The following DHRSX variants were observed in gnomAD, a reference collection of about 807,000 sequenced individuals.
DHRSX encodes the protein dehydrogenase/reductase X-linked, also known as polyprenol dehydrogenase.
A neutral mutation model predicts 34.0 loss-of-function variants in DHRSX; 31 were observed. The ratio of observed to expected loss-of-function variants is 0.91; its 90% CI spans 0.69 to 1.23. The LOEUF (loss-of-function observed/expected upper bound fraction) is 1.23, where lower values mean the gene tolerates loss of function less well. Among genes scored for constraint, DHRSX ranks in the 50% most tolerant of loss-of-function variants. The pLI, the probability that DHRSX is intolerant of heterozygous loss-of-function variation, is 0.00. For synonymous variants in DHRSX, 201 were observed against 183.8 expected (o/e 1.09, Z -0.76); for missense variants, 414 against 428.1 (o/e 0.97, Z 0.29).
chrX:2,248,877 T>C (rs765996178), intron 5 of DHRSX, among the ~76,000 whole-genome samples: 1 of 152,318 alleles, frequency 6.6e-6, no homozygotes, highest in South Asian at 2.1e-4. Context: ...CAGACGTCGT[T>C]GAACCTAAGC....
At chrX:2,360,544 C>T (rs754047836) in intron 3 of DHRSX, among the ~76,000 whole-genome samples, 4 of 152,208 alleles carry the variant, frequency 2.6e-5, no homozygotes, top group African/African-American at 4.8e-5. Flanking sequence ...GATCGCGCCA[C>T]TGCACTCCAG....
chrX:2,268,211 T>C (rs2041500952), intron 4 of DHRSX, among the ~76,000 whole-genome samples: 1 of 152,174 alleles, frequency 6.6e-6, no homozygotes, highest in Non-Finnish European at 1.5e-5. Context: ...TGCCCTGAAG[T>C]CCTTGCTGTG....
At chrX:2,469,527 C>A (rs996637206) in intron 1 of DHRSX, among the ~76,000 whole-genome samples, 3 of 151,588 alleles carry the variant, frequency 2.0e-5, no homozygotes, top group African/African-American at 7.3e-5. Flanking sequence ...CATGTACACA[C>A]TGAAGACATT....
At chrX:2,362,386 C>T (rs777580436) in intron 3 of DHRSX, among the ~76,000 whole-genome samples, 2 of 152,240 alleles carry the variant, frequency 1.3e-5, no homozygotes, top group South Asian at 2.1e-4. Flanking sequence ...CTGCAACCTC[C>T]GCCTCCCGGG....
At chrX:2,299,641 G>A (rs966223280) in intron 3 of DHRSX, among the ~76,000 whole-genome samples, 5 of 152,068 alleles carry the variant, frequency 3.3e-5, no homozygotes, top group African/African-American at 1.2e-4. Context: ...GATCACCTGA[G>A]GTCAGGAGTT....
At chrX:2,441,138 T>C (rs2044057516) in intron 1 of DHRSX, among the ~76,000 whole-genome samples, 1 of 152,152 alleles carries the variant, frequency 6.6e-6, no homozygotes, top group South Asian at 2.1e-4. Context: ...GGTGCAATGA[T>C]CACACCTCGG....
intron 5 of DHRSX, among the ~76,000 whole-genome samples, chrX:2,250,392 G>C (rs2016409570): frequency 6.6e-6 from 1 of 152,032 alleles, no homozygotes; most frequent in South Asian, 2.1e-4. Context: ...TAAAGAATGT[G>C]TACTCCATAG....
At chrX:2,381,797 C>CAAAAAAAAAAAA (rs767319246) in intron 3 of DHRSX, among the ~76,000 whole-genome samples, 2 of 81,612 alleles carry the variant, frequency 2.5e-5, no homozygotes, top group African/African-American at 5.0e-5. Context: ...AAGCCACAAC[C>CAAAAAAAAAAAA]AAAAAAAAAA....
intron 2 of DHRSX, among the ~76,000 whole-genome samples, chrX:2,409,723 TG>T (rs1426239602): frequency 2.6e-5 from 4 of 151,498 alleles, no homozygotes; most frequent in East Asian, 3.9e-4. Context: ...TTTTTTGTTT[TG>T]TTTTTTTGTT....
chrX:2,251,138 C>G (rs2016426080), intron 5 of DHRSX, among the ~76,000 whole-genome samples: 1 of 152,158 alleles, frequency 6.6e-6, no homozygotes, highest in Non-Finnish European at 1.5e-5. Flanking sequence ...CAGAAAGCCA[C>G]ATGCCAAAAT....
intron 5 of DHRSX, among the ~76,000 whole-genome samples, chrX:2,265,817 C>T (rs1156777161): frequency 3.6e-5 from 5 of 140,184 alleles, no homozygotes; most frequent in African/African-American, 1.4e-4. Context: ...ACGCAGGGAG[C>T]ACTGTCCTCA....
At chrX:2,479,169 G>A (rs1337995956) in intron 1 of DHRSX, among the ~76,000 whole-genome samples, 1 of 151,606 alleles carries the variant, frequency 6.6e-6, no homozygotes, top group Admixed American at 6.6e-5. Flanking sequence ...TGTACACACT[G>A]AAGACGTTCC....
intron 4 of DHRSX, among the ~76,000 whole-genome samples, chrX:2,276,797 TA>T (rs1284475223): frequency 2.7e-4 from 28 of 104,202 alleles, no homozygotes; most frequent in African/African-American, 3.4e-4. Context: ...AGGGAGGAAA[TA>T]GGGAGAAAGA....
At chrX:2,276,875 A>T (rs1182779961) in intron 4 of DHRSX, among the ~76,000 whole-genome samples, 5 of 30,474 alleles carry the variant, frequency 1.6e-4, no homozygotes, top group African/African-American at 6.4e-4. Flanking sequence ...AGAGAGAAGG[A>T]GGGGAGGAAA....
chrX:2,474,190 T>C (rs2044637222), intron 1 of DHRSX, among the ~76,000 whole-genome samples: 1 of 152,058 alleles, frequency 6.6e-6, no homozygotes, highest in South Asian at 2.1e-4. Flanking sequence ...GTGTACGAAC[T>C]GAAGACGTTT....
chrX:2,227,402 A>G (rs1245103447), intron 6 of DHRSX, among the ~76,000 whole-genome samples: 2 of 150,916 alleles, frequency 1.3e-5, no homozygotes, highest in East Asian at 2.0e-4. Flanking sequence ...GGAAGGAAAG[A>G]AGGAAGCATA....
At chrX:2,482,129 C>CTT (rs1356975147) in intron 1 of DHRSX, among the ~76,000 whole-genome samples, 12,838 of 129,554 alleles carry the variant, frequency 0.099, 926 homozygotes, top group Admixed American at 0.14. Context: ...CCACGTCTGG[C>CTT]TTTTTTTTTT....
At chrX:2,386,882 G>GTT (rs57827913) in intron 3 of DHRSX, among the ~76,000 whole-genome samples, 285 of 124,084 alleles carry the variant, frequency 2.3e-3, no homozygotes, top group African/African-American at 7.2e-3. Context: ...TGATGGTTTT[G>GTT]TTTTTTTTTT....
chrX:2,461,606 A>G (rs1315739210), intron 1 of DHRSX, among the ~76,000 whole-genome samples: 1 of 152,160 alleles, frequency 6.6e-6, no homozygotes, highest in Non-Finnish European at 1.5e-5. Context: ...CAGTGATGCA[A>G]TCTCAGCTCA....
Sources: allele counts gnomAD v4.1 joint callset (sites outside exome capture counted in the v4.1 genomes callset), GRCh38; gene constraint gnomAD v4.1.1; transcripts MANE v1.5; gene names NCBI Gene and HGNC (gene_info 2026-07-23, HGNC 2026-07-21).